The following ASCC3 variants were observed in gnomAD, a reference collection of about 807,000 sequenced individuals.
ASCC3 encodes the protein activating signal cointegrator 1 complex subunit 3, also known as ASC-1 complex subunit P200.
In ASCC3, 158 loss-of-function variants were observed where a neutral mutation model predicts 256.3. The ratio of observed to expected loss-of-function variants is 0.62; its 90% CI spans 0.54 to 0.70. The LOEUF is 0.70. Ranked by LOEUF, ASCC3 falls within the 30% of genes least tolerant of loss-of-function variation. ASCC3 has a pLI of 0.00. For synonymous variants in ASCC3, 948 were observed against 883.4 expected, an observed-to-expected ratio of 1.07 and a Z score of -1.30; for missense variants, 2,259 against 2,626.0, an observed-to-expected ratio of 0.86 and a Z score of 3.05.
At chr6:100,651,282 T>C (rs1030076716) in intron 19 of ASCC3, among the ~76,000 whole-genome samples, 1 of 151,918 alleles carries the variant, frequency 6.6e-6, no homozygotes, top group Non-Finnish European at 1.5e-5. Context: ...GAGCCTTATA[T>C]TGCAATAAAC....
chr6:100,737,946 T>C (rs1241825696), intron 10 of ASCC3, among the ~76,000 whole-genome samples: 1 of 152,220 alleles, frequency 6.6e-6, no homozygotes, highest in Non-Finnish European at 1.5e-5. Flanking sequence ...TATCTCATTG[T>C]GGTTTTAATT....
At chr6:100,668,401 TG>T (rs2114943766) in intron 14 of ASCC3, among the ~76,000 whole-genome samples, 1 of 152,198 alleles carries the variant, frequency 6.6e-6, no homozygotes, top group African/African-American at 2.4e-5. Flanking sequence ...AGGAAAATAT[TG>T]TTACTAATAT....
intron 34 of ASCC3, among the ~76,000 whole-genome samples, chr6:100,600,140 T>G (rs542719407): frequency 1.3e-5 from 2 of 151,884 alleles, no homozygotes; most frequent in Non-Finnish European, 2.9e-5. Context: ...TTGATTCTTA[T>G]GTAATAGAAA....
intron 4 of ASCC3, among the ~76,000 whole-genome samples, chr6:100,833,826 C>T (rs1771743898): frequency 6.6e-6 from 1 of 152,120 alleles, no homozygotes; most frequent in African/African-American, 2.4e-5. Flanking sequence ...GCCTGTCATC[C>T]CAGCACTTTG....
chr6:100,811,188 A>T (rs1286321800), intron 4 of ASCC3, among the ~76,000 whole-genome samples: 5 of 152,190 alleles, frequency 3.3e-5, no homozygotes, highest in African/African-American at 1.2e-4. Context: ...GTTTTTCCAC[A>T]ATCTTGCACA....
At position 100,652,838 on chromosome 6, in the gene ASCC3, G is replaced by T; in HGVS notation, c.2875C>A (p.Arg959=). The T allele has an allele frequency of 6.2e-7, 1 of 1,613,786 alleles. No homozygotes were observed. The highest frequency in any genetic ancestry group is 8.5e-7 in the Non-Finnish European group (1 of 1,179,888). ...ATCATCTGAGCTTTGTCTAGTTTTC[G>T]TCCAACTTCAATGACCAACTGTTCT... ...HREQLVIEVG[R]KLDKAQMIRF... The change falls in exon 18 of 42, where the codon CGA becomes AGA. Residue 959 remains arginine (R), a synonymous_variant. Coordinates refer to ENST00000369162, the MANE Select transcript of ASCC3 (RefSeq NM_006828.4).
intron 8 of ASCC3, among the ~76,000 whole-genome samples, chr6:100,782,065 CTTAT>C (rs933741233): frequency 6.6e-6 from 1 of 151,988 alleles, no homozygotes; most frequent in Non-Finnish European, 1.5e-5. Flanking sequence ...AAAACCCAGG[CTTAT>C]TTGTTTGTTT....
At chr6:100,850,046 G>C (rs777217634) in intron 3 of ASCC3, among the ~76,000 whole-genome samples, 4 of 140,504 alleles carry the variant, frequency 2.8e-5, no homozygotes, top group East Asian at 2.1e-4. Flanking sequence ...GTTGCAGTGA[G>C]CAGAGATAGC....
At chr6:100,879,083 G>A in intron 1 of ASCC3, among the ~76,000 whole-genome samples, 1 of 152,154 alleles carries the variant, frequency 6.6e-6, no homozygotes, top group Admixed American at 6.5e-5. Context: ...GTGGTTCACA[G>A]AACTCAGGGA....
chr6:100,724,144 A>G (rs559896945), intron 11 of ASCC3, among the ~76,000 whole-genome samples: 15 of 118,194 alleles, frequency 1.3e-4, no homozygotes, highest in African/African-American at 4.3e-4. Flanking sequence ...TAGCTACAAA[A>G]AAACAAAAAA....
At chr6:100,573,379 C>T (rs1770695963) in intron 36 of ASCC3, among the ~76,000 whole-genome samples, 1 of 152,038 alleles carries the variant, frequency 6.6e-6, no homozygotes, top group African/African-American at 2.4e-5. Flanking sequence ...TTCTGAATTG[C>T]CCCACCTGCT....
intron 36 of ASCC3, among the ~76,000 whole-genome samples, chr6:100,544,100 T>C (rs760672022): frequency 2.6e-4 from 39 of 151,830 alleles, no homozygotes; most frequent in Non-Finnish European, 5.2e-4. Context: ...AAACAGGAAA[T>C]GAGAAAGTAT....
At position 100,792,499 on chromosome 6, in the gene ASCC3, C is replaced by T. The variant is rs143124719; in HGVS notation, c.1395+6214G>A. ...CATGCAACATCCTTTGTGTGGCATA[C>T]ACCACCACCTGCTTTGTCTATCTGG... On this transcript the variant is annotated intron_variant, in intron 8 of 41. Transcript: ENST00000369162. Among the ~76,000 whole-genome samples, 1,945 of 151,976 alleles carry T rather than the reference C, an allele frequency of 0.013. 101 individuals are homozygous for T. In the East Asian group the frequency reaches 0.15, roughly 12 times the overall value.
chr6:100,747,550 T>C (rs1780740789), intron 10 of ASCC3, among the ~76,000 whole-genome samples: 1 of 152,042 alleles, frequency 6.6e-6, no homozygotes, highest in South Asian at 2.1e-4. Flanking sequence ...TACTTAGCAG[T>C]ACCAAAAAAA....
chr6:100,572,085 A>G lies in ASCC3; in HGVS notation c.5550+17549T>C, dbSNP rs1770619212. Among the ~76,000 whole-genome samples, 4 of 152,260 alleles carry G rather than the reference A, an allele frequency of 2.6e-5. No individual in the cohort carries two copies. The South Asian group carries it at 8.3e-4, about 32-fold the overall frequency. On this transcript the variant is annotated intron_variant, in intron 36 of 41. Transcript: ENST00000369162. ...TCAGGAGATATAAATCTCTATATAG[A>G]CGATGCTATAGATTGAATATTTGTA...
chr6:100,607,160 A>G (rs1171219568), intron 30 of ASCC3, 72 bp from the exon 31 acceptor site: 1 of 1,484,226 alleles, frequency 6.7e-7, no homozygotes, highest in Non-Finnish European at 9.3e-7. Flanking sequence ...TCATGTTTCA[A>G]AAAACATTAA....
intron 13 of ASCC3, among the ~76,000 whole-genome samples, chr6:100,688,782 T>G (rs1329896585): frequency 1.3e-5 from 2 of 152,152 alleles, no homozygotes; most frequent in Non-Finnish European, 2.9e-5. Flanking sequence ...AGCTTATATC[T>G]AATTATATGG....
At chr6:100,824,100 G>C (rs977468627) in intron 4 of ASCC3, among the ~76,000 whole-genome samples, 1 of 152,104 alleles carries the variant, frequency 6.6e-6, no homozygotes, top group African/African-American at 2.4e-5. Flanking sequence ...GGTAAACTGA[G>C]GGTTTGTGAA....
At chr6:100,579,670 T>C (rs770096769) in intron 36 of ASCC3, among the ~76,000 whole-genome samples, 1 of 152,128 alleles carries the variant, frequency 6.6e-6, no homozygotes, top group African/African-American at 2.4e-5. Context: ...GGGCTCTCTA[T>C]TCTGTTCCAT....
Sources: allele counts gnomAD v4.1 joint callset (sites outside exome capture counted in the v4.1 genomes callset), GRCh38; gene constraint gnomAD v4.1.1; transcripts MANE v1.5; gene names NCBI Gene and HGNC (gene_info 2026-07-23, HGNC 2026-07-21).